The following RHOT1 variants were observed in gnomAD, a reference collection of about 807,000 sequenced individuals.
The protein encoded by RHOT1 is ras homolog family member T1, also known as mitochondrial Rho GTPase 1.
In RHOT1, 27 loss-of-function variants were observed where a neutral mutation model predicts 95.3. The ratio of observed to expected loss-of-function variants is 0.28; its 90% CI spans 0.21 to 0.39. RHOT1 has a LOEUF of 0.39. Ranked by LOEUF, RHOT1 falls within the 10% of genes least tolerant of loss-of-function variation. The pLI is 1.00. For missense variants in RHOT1, 578 were observed against 786.7 expected, an observed-to-expected ratio of 0.73 and a Z score of 3.17; for synonymous variants, 227 against 263.5, an observed-to-expected ratio of 0.86 and a Z score of 1.34.
At chr17:32,150,120 G>A (rs1010184418) in intron 1 of RHOT1, among the ~76,000 whole-genome samples, 1 of 152,098 alleles carries the variant, frequency 6.6e-6, no homozygotes, top group Admixed American at 6.6e-5. Context: ...TCCTTTGATA[G>A]TCTCACATAG....
At chr17:32,197,177 C>A (rs1200516218) in intron 11 of RHOT1, among the ~76,000 whole-genome samples, 1 of 151,876 alleles carries the variant, frequency 6.6e-6, no homozygotes, top group African/African-American at 2.4e-5. Flanking sequence ...GTTTGTGGTT[C>A]CTTAGAAGTG....
At chr17:32,174,296 C>T (rs974962582) in intron 3 of RHOT1, among the ~76,000 whole-genome samples, 1 of 152,060 alleles carries the variant, frequency 6.6e-6, no homozygotes, top group Non-Finnish European at 1.5e-5. Flanking sequence ...AATTTAAATA[C>T]TTTTGATATT....
intron 1 of RHOT1, among the ~76,000 whole-genome samples, chr17:32,165,455 G>A (rs2033990937): frequency 6.6e-6 from 1 of 150,946 alleles, no homozygotes; most frequent in East Asian, 2.0e-4. Context: ...CCTGGGAGGT[G>A]GAAGTTGCAG....
chr17:32,185,043 T>C (rs62064166), intron 8 of RHOT1, among the ~76,000 whole-genome samples: 11,798 of 152,092 alleles, frequency 0.078, 601 homozygotes, highest in Non-Finnish European at 0.11. Context: ...CCTAAACCTC[T>C]CAAGTAGCTG....
intron 8 of RHOT1, among the ~76,000 whole-genome samples, chr17:32,191,069 A>G (rs937766527): frequency 2.3e-4 from 35 of 152,168 alleles, no homozygotes; most frequent in Non-Finnish European, 1.2e-4. Context: ...TGCTGGGATT[A>G]TAAGTGTGAG....
At chr17:32,209,504 G>T in intron 18 of RHOT1, 2 of 1,005,110 alleles carry the variant, frequency 2.0e-6, no homozygotes, top group Non-Finnish European at 1.6e-6. Flanking sequence ...CTTAGAGAAT[G>T]ACCAAATCTC....
intron 1 of RHOT1, among the ~76,000 whole-genome samples, chr17:32,167,082 C>T (rs2034151170): frequency 6.6e-6 from 1 of 152,198 alleles, no homozygotes; most frequent in Non-Finnish European, 1.5e-5. Context: ...GAACCATGGA[C>T]TGCAGACTGG....
At chr17:32,221,996 C>T (rs1415821890) in intron 19 of RHOT1, among the ~76,000 whole-genome samples, 1 of 152,146 alleles carries the variant, frequency 6.6e-6, no homozygotes, top group Non-Finnish European at 1.5e-5. Flanking sequence ...TATTTGAAGA[C>T]TATCTATGAG....
intron 2 of RHOT1, among the ~76,000 whole-genome samples, chr17:32,171,713 A>G (rs1388075436): frequency 6.6e-6 from 1 of 152,190 alleles, no homozygotes; most frequent in Admixed American, 6.5e-5. Context: ...CTTCTGCCTG[A>G]CACTCCCTGG....
intron 1 of RHOT1, among the ~76,000 whole-genome samples, chr17:32,149,635 A>T (rs184713611): frequency 1.7e-5 from 1 of 59,076 alleles, no homozygotes; most frequent in Non-Finnish European, 3.4e-5. Context: ...ATATATATAT[A>T]TGTGTGTGTG....
intron 1 of RHOT1, among the ~76,000 whole-genome samples, chr17:32,157,321 A>G (rs1055487420): frequency 2.0e-5 from 3 of 152,146 alleles, no homozygotes; most frequent in Non-Finnish European, 4.4e-5. Flanking sequence ...ATTCAACAGT[A>G]AACAAGAAAG....
Position 32,189,158 on chromosome 17 carries a change from G to A in RHOT1, c.541-3043G>A, listed in dbSNP as rs138441266. 7.4e-3 allele frequency among the ~76,000 whole-genome samples: 1,124 copies of A among 152,270 alleles called. 8 individuals are homozygous for A. The highest frequency in any genetic ancestry group is 0.014 in the Middle Eastern group (4 of 294). The stretch of plus-strand genomic sequence containing the variant: ...CTAAAAATACAAAAAAATTAGCTGG[G>A]CGTGGTGGCGGGCACCTGTAGCCCT... On this transcript the variant is annotated intron_variant, in intron 8 of 19. Transcript: ENST00000545287.
Position 32,203,931 on chromosome 17 carries a change from G to T in RHOT1, c.1374G>T (p.Ala458=), listed in dbSNP as rs754819725. 6.2e-7 allele frequency: 1 copy of T among 1,612,810 alleles called. No homozygotes were observed. Among genetic ancestry groups the T allele is most frequent in the African/African-American group, 1.3e-5 (1 of 75,004 alleles). ...KIREDHKSYY[A]INTVYVYGQE... The stretch of plus-strand genomic sequence containing the variant: ...GTGAAGATCATAAATCCTACTATGC[G>T]ATTAACACTGTTTATGTATATGGAC... Residue 458 remains alanine (A), a synonymous_variant, in exon 16 of 20, where the codon GCG becomes GCT. Transcript: ENST00000545287.
At chr17:32,178,790 C>G (rs1424512297) in intron 6 of RHOT1, among the ~76,000 whole-genome samples, 1 of 150,024 alleles carries the variant, frequency 6.7e-6, no homozygotes, top group Non-Finnish European at 1.5e-5. Flanking sequence ...AGAGCCTCTG[C>G]CCGGCTGCCA....
At chr17:32,190,182 G>A (rs1211369881) in intron 8 of RHOT1, among the ~76,000 whole-genome samples, 6 of 152,058 alleles carry the variant, frequency 3.9e-5, no homozygotes, top group South Asian at 4.1e-4. Flanking sequence ...TTGGCCGGGC[G>A]CAATGGATCA....
intron 1 of RHOT1, chr17:32,151,026 G>A: frequency 6.9e-7 from 1 of 1,458,718 alleles, no homozygotes; most frequent in South Asian, 1.3e-5. Flanking sequence ...TGGGAGTGGG[G>A]GAAGAGGGGA....
chr17:32,203,207 T>C (rs987992317), intron 15 of RHOT1, among the ~76,000 whole-genome samples: 3 of 151,928 alleles, frequency 2.0e-5, no homozygotes, highest in Non-Finnish European at 4.4e-5. Flanking sequence ...AATATTGATA[T>C]CTAGTTCTTA....
chr17:32,155,431 A>G (rs541370097), intron 1 of RHOT1, among the ~76,000 whole-genome samples: 4 of 150,934 alleles, frequency 2.7e-5, no homozygotes, highest in African/African-American at 9.7e-5. Context: ...AAGTGCTGGG[A>G]TTACAGGTTT....
chr17:32,200,333 T>C (rs769302187), intron 13 of RHOT1, among the ~76,000 whole-genome samples: 36 of 152,074 alleles, frequency 2.4e-4, no homozygotes, highest in Non-Finnish European at 2.8e-4. Context: ...GCATAAAATA[T>C]CCCCACTCTA....
Sources: gnomAD v4.1 joint callset for allele counts (sites outside exome capture counted in the v4.1 genomes callset) on GRCh38, gnomAD v4.1.1 for gene constraint, MANE v1.5 for transcripts, NCBI Gene and HGNC (gene_info 2026-07-23, HGNC 2026-07-21) for gene names.